Variants in PTPN13 observed in about 807,000 individuals in gnomAD.
The protein encoded by PTPN13 is tyrosine-protein phosphatase non-receptor type 13.
A neutral mutation model predicts 284.0 loss-of-function variants in PTPN13; 191 were observed. The observed-to-expected ratio is 0.67, with a 90% CI of 0.60 to 0.76. The LOEUF (loss-of-function observed/expected upper bound fraction) is 0.76, where lower values mean the gene tolerates loss of function less well. Among genes scored for constraint, PTPN13 ranks in the 30% least tolerant of loss-of-function variants. The probability of loss-of-function intolerance (pLI) is 0.00; values close to 1 mark genes in which losing one functional copy is unlikely to be tolerated. For missense variants in PTPN13, 2,797 were observed against 2,939.9 expected (o/e 0.95, Z 1.12); for synonymous variants, 986 against 1,022.3 (o/e 0.96, Z 0.68).
chr4:86,747,485 T>C (rs1172274209), intron 17 of PTPN13, among the ~76,000 whole-genome samples: 2 of 152,140 alleles, frequency 1.3e-5, no homozygotes, highest in Admixed American at 1.3e-4. Flanking sequence ...TAGAAGATAG[T>C]ACTACTACTA....
At chr4:86,768,577 G>A (rs974047428) in intron 28 of PTPN13, among the ~76,000 whole-genome samples, 5 of 151,890 alleles carry the variant, frequency 3.3e-5, no homozygotes, top group South Asian at 4.2e-4. Context: ...TTACACAAAC[G>A]TTAGCAACTC....
chr4:86,771,069 AATGCAT>A, intron 30 of PTPN13, 96 bp from the exon 31 acceptor site: 1 of 1,252,472 alleles, frequency 8.0e-7, no homozygotes, highest in Admixed American at 2.9e-5. Context: ...CAGAAAATTC[AATGCAT>A]ACTTTAGTAG....
At chr4:86,750,993 A>T (rs779945412) in intron 18 of PTPN13, 34 bp from the exon 19 acceptor site, 1 of 1,567,468 alleles carries the variant, frequency 6.4e-7, no homozygotes. Context: ...TTTTACATTA[A>T]CACTTCCCTC....
chr4:86,727,868 G>C (rs1304440834), intron 10 of PTPN13, among the ~76,000 whole-genome samples: 3 of 149,032 alleles, frequency 2.0e-5, no homozygotes, highest in African/African-American at 7.3e-5. Flanking sequence ...TTTTGAATTT[G>C]TTTGCTCTTG....
At chr4:86,786,168 T>C (rs1211233076) in intron 40 of PTPN13, among the ~76,000 whole-genome samples, 1 of 152,162 alleles carries the variant, frequency 6.6e-6, no homozygotes, top group Admixed American at 6.5e-5. Flanking sequence ...CAATTAGTTT[T>C]CAAAAATGTA....
chr4:86,726,842 A>G (rs2149106738), intron 10 of PTPN13, among the ~76,000 whole-genome samples: 1 of 149,552 alleles, frequency 6.7e-6, no homozygotes, highest in Middle Eastern at 3.4e-3. Context: ...AGAACTTCCA[A>G]CACTATGTTG....
intron 2 of PTPN13, among the ~76,000 whole-genome samples, chr4:86,648,421 A>G (rs55978957): frequency 6.6e-6 from 1 of 151,956 alleles, no homozygotes; most frequent in East Asian, 1.9e-4. Context: ...TCTACTCTCT[A>G]TTTCCATGAG....
At chr4:86,617,023 T>G (rs1242496954) in intron 1 of PTPN13, among the ~76,000 whole-genome samples, 1 of 151,898 alleles carries the variant, frequency 6.6e-6, no homozygotes, top group Non-Finnish European at 1.5e-5. Context: ...AGTAGGAATT[T>G]AAAATTTTTA....
In PTPN13 at chr4:86,750,761, A is replaced by T; in HGVS notation, c.2942A>T (p.His981Leu). Reference sequence around the variant, plus strand: ...CTCAGTCAGGCCTCTCTCTATCCACATCGGAAAAATGTCATTGTTAACATG... The same window carrying T: ...CTCAGTCAGGCCTCTCTCTATCCACTTCGGAAAAATGTCATTGTTAACATG... ...HDLSQASLYPHRKNVIVNMEP... is the reference protein window; with the variant it reads ...HDLSQASLYPLRKNVIVNMEP... Residue 981 changes from histidine (H) to leucine (L), a missense_variant, in exon 18 of 48, where the codon CAT becomes CTT. His to Leu is a moderately conservative substitution (Grantham distance 99, BLOSUM62 -3). Coordinates refer to ENST00000411767, the MANE Select transcript of PTPN13 (RefSeq NM_080683.3). 1 of 1,613,574 alleles carries T rather than the reference A, an allele frequency of 6.2e-7. No individual in the cohort carries two copies. The highest frequency in any genetic ancestry group is 8.5e-7 in the Non-Finnish European group (1 of 1,179,702).
chr4:86,720,724 T>C (rs888887307), intron 9 of PTPN13, among the ~76,000 whole-genome samples: 4 of 152,174 alleles, frequency 2.6e-5, no homozygotes, highest in African/African-American at 7.2e-5. Flanking sequence ...AATAGTGCTG[T>C]ATTTGTACAT....
At chr4:86,637,040 A>G (rs959027918) in intron 2 of PTPN13, among the ~76,000 whole-genome samples, 1 of 152,214 alleles carries the variant, frequency 6.6e-6, no homozygotes, top group African/African-American at 2.4e-5. Flanking sequence ...ATCAGAGAAT[A>G]CTACAAATAC....
At chr4:86,704,536 T>C (rs1731508909) in intron 7 of PTPN13, among the ~76,000 whole-genome samples, 2 of 152,372 alleles carry the variant, frequency 1.3e-5, no homozygotes, top group Middle Eastern at 3.4e-3. Flanking sequence ...ATCTTATTTC[T>C]ACATATGCTT....
rs1026293290 is a variant in PTPN13, at chr4:86,689,522, A to G, written c.546+332A>G. 2.0e-5 allele frequency: 12 copies of G among 611,980 alleles called. No homozygotes were observed. In the East Asian group the frequency reaches 3.3e-4, roughly 17 times the overall value. 37.9% of individuals were successfully genotyped at this position (611,980 alleles called of 1,614,324 possible). A position where few individuals can be genotyped will look rare whatever the true frequency, so the allele number is the denominator to read the frequency against. ...TGCTTCTATTGTGAACACCTAGAAA[A>G]AATGTATTAACATGAAAATGGGTTT... On this transcript the variant is annotated intron_variant, in intron 5 of 47. Coordinates refer to ENST00000411767, the MANE Select transcript of PTPN13 (RefSeq NM_080683.3).
Position 86,734,894 on chromosome 4 carries a change from T to A in PTPN13, c.2151+19T>A. 6.2e-7 allele frequency: 1 copy of A among 1,604,142 alleles called. No individual in the cohort carries two copies. The highest frequency in any genetic ancestry group is 8.5e-7 in the Non-Finnish European group (1 of 1,172,544). ...ACCAGAGGTAGGATTTGTGTTTTTT[T>A]CCAGGACCATTTTTGTTTGGTGTTG... On this transcript the variant is annotated intron_variant, in intron 14 of 47. Transcript: ENST00000411767.
intron 42 of PTPN13, among the ~76,000 whole-genome samples, chr4:86,802,905 C>T (rs1373541827): frequency 6.6e-6 from 1 of 151,968 alleles, no homozygotes; most frequent in Non-Finnish European, 1.5e-5. Context: ...AACCCCATCT[C>T]TACAAAAAAA....
intron 1 of PTPN13, among the ~76,000 whole-genome samples, chr4:86,606,304 C>G (rs910402866): frequency 1.3e-5 from 2 of 151,802 alleles, no homozygotes; most frequent in African/African-American, 4.8e-5. Flanking sequence ...GCCACCTACA[C>G]TATACACTTA....
intron 20 of PTPN13, among the ~76,000 whole-genome samples, chr4:86,755,853 A>T (rs1302837177): frequency 4.0e-5 from 6 of 151,898 alleles, no homozygotes; most frequent in Admixed American, 2.0e-4. Context: ...TCAACTTTTG[A>T]TGGGTTTGTT....
At position 86,689,082 on chromosome 4, in the gene PTPN13, T is replaced by G; in HGVS notation, c.438T>G (p.Val146=). Residue 146 remains valine (V), a synonymous_variant, in exon 5 of 48, where the codon GTT becomes GTG. Coordinates refer to ENST00000411767, the MANE Select transcript of PTPN13 (RefSeq NM_080683.3). ...CEDVIYARVS[V]RTVLDACSAH... is the part of the protein sequence containing the mutation. Reference sequence around the variant, plus strand: ...ATGTTATTTACGCTCGAGTTTCTGTTCGGACTGTGCTGGATGCTTGCAGTG... The same window carrying G: ...ATGTTATTTACGCTCGAGTTTCTGTGCGGACTGTGCTGGATGCTTGCAGTG... 6.2e-7 allele frequency: 1 copy of G among 1,601,458 alleles called. No homozygotes were observed. The highest frequency in any genetic ancestry group is 8.6e-7 in the Non-Finnish European group (1 of 1,168,464).
At chr4:86,609,753 C>T (rs915471745) in intron 1 of PTPN13, among the ~76,000 whole-genome samples, 4 of 151,928 alleles carry the variant, frequency 2.6e-5, no homozygotes, top group African/African-American at 7.3e-5. Context: ...TAAAAGCAAA[C>T]GTGGATGTCT....
Sources: gnomAD v4.1 joint callset for allele counts (sites outside exome capture counted in the v4.1 genomes callset) on GRCh38, gnomAD v4.1.1 for gene constraint, MANE v1.5 for transcripts, NCBI Gene and HGNC (gene_info 2026-07-23, HGNC 2026-07-21) for gene names.